The following DNTTIP1 variants were observed in gnomAD, a reference collection of about 807,000 sequenced individuals.
DNTTIP1 encodes deoxynucleotidyltransferase terminal interacting protein 1, also known as deoxynucleotidyltransferase terminal-interacting protein 1.
A neutral mutation model predicts 52.9 loss-of-function variants in DNTTIP1; 22 were observed. That is an observed-to-expected ratio of 0.42 (90% confidence interval 0.30 to 0.59). DNTTIP1 has a LOEUF of 0.59. DNTTIP1 is among the 20% of genes least tolerant of loss of function. The pLI is 0.22. For missense variants in DNTTIP1, 286 were observed against 435.5 expected (o/e 0.66, Z 3.06); for synonymous variants, 136 against 155.1 (o/e 0.88, Z 0.92).
At chr20:45,803,966 A>G (rs1006267478) in intron 8 of DNTTIP1, among the ~76,000 whole-genome samples, 1 of 152,154 alleles carries the variant, frequency 6.6e-6, no homozygotes, top group South Asian at 2.1e-4. Context: ...GCAGTGACTT[A>G]TATAAATGGT....
intron 2 of DNTTIP1, 86 bp from the exon 3 acceptor site, chr20:45,793,834 GA>G (rs1981135143): frequency 1.3e-6 from 1 of 758,824 alleles, no homozygotes; most frequent in Non-Finnish European, 2.1e-6. Flanking sequence ...TATTGTTAAG[GA>G]ATTCTATGTC....
At position 45,800,971 on chromosome 20, in the gene DNTTIP1, G is replaced by A. The variant is rs1601028650; in HGVS notation, c.373-103G>A. 13 of 969,494 alleles carry A rather than the reference G, an allele frequency of 1.3e-5. No individual in the cohort carries two copies. The East Asian group carries it at 2.9e-4, about 21-fold the overall frequency. 60.1% of individuals were successfully genotyped at this position (969,494 alleles called of 1,614,324 possible). A position where few individuals can be genotyped will look rare whatever the true frequency, so the allele number is the denominator to read the frequency against. On this transcript the variant is annotated intron_variant, in intron 4 of 12. Transcript: ENST00000372622. ...ATGGTGCTGCTGCACTCCAGCCTGA[G>A]CAACAGAGCAAGACTCTGTCTCCAA...
At chr20:45,796,403 A>G in intron 4 of DNTTIP1, 1 of 424,810 alleles carries the variant, frequency 2.4e-6, no homozygotes, top group Non-Finnish European at 4.8e-6. Context: ...AAAAAAAAGA[A>G]ATGGCTTAAG....
At chr20:45,792,837 A>C (rs1601023073) in intron 2 of DNTTIP1, 90 bp downstream of exon 2, 4 of 1,185,336 alleles carry the variant, frequency 3.4e-6, no homozygotes. Flanking sequence ...ATGGAGATCT[A>C]CAGCCGGTAG....
At chr20:45,800,998 A>C (rs1981448430) in intron 4 of DNTTIP1, 76 bp from the exon 5 acceptor site, 1 of 1,325,926 alleles carries the variant, frequency 7.5e-7, no homozygotes, top group Non-Finnish European at 1.1e-6. Flanking sequence ...TGTCTCCAAA[A>C]AAAAAAAAGG....
Position 45,805,213 on chromosome 20 carries a change from A to G in DNTTIP1, c.662+9A>G, listed in dbSNP as rs1250108122. Reference sequence around the variant, plus strand: ...GGATCTCGAGCCAACAAGTAAGTTTAAGAGCTTTGGCACTGATTGAGGAAA... The same window carrying G: ...GGATCTCGAGCCAACAAGTAAGTTTGAGAGCTTTGGCACTGATTGAGGAAA... On this transcript the variant is annotated intron_variant, in intron 9 of 12. Transcript: ENST00000372622. 1 of 1,614,194 alleles carries G rather than the reference A, an allele frequency of 6.2e-7. No individual in the cohort carries two copies. Among genetic ancestry groups the G allele is most frequent in the East Asian group, 2.2e-5 (1 of 44,884 alleles).
Position 45,809,411 on chromosome 20 carries a change from C to T in DNTTIP1, c.795+226C>T, listed in dbSNP as rs1179978225. Among the ~76,000 whole-genome samples the T allele has an allele frequency of 6.6e-6, 1 of 152,238 alleles. No individual in the cohort carries two copies. The highest frequency in any genetic ancestry group is 2.4e-5 in the African/African-American group (1 of 41,472). ...CTTCCGCCCCCTCACACTTTTACCT[C>T]ATGCCTCCAAGATCACATATTTGGA... On this transcript the variant is annotated intron_variant, in intron 11 of 12. Transcript: ENST00000372622. The surrounding 1 kb of genome is among the most constrained non-coding windows in gnomAD (Gnocchi z 4.2).
chr20:45,795,225 C>T (rs907636450), intron 3 of DNTTIP1, 120 bp from the exon 4 acceptor site: 73 of 573,664 alleles, frequency 1.3e-4, no homozygotes, highest in African/African-American at 8.7e-4. Flanking sequence ...CAAAGCCCTG[C>T]TCATAATCAC....
intron 3 of DNTTIP1, among the ~76,000 whole-genome samples, chr20:45,794,998 C>T (rs988614731): frequency 6.6e-6 from 1 of 151,900 alleles, no homozygotes; most frequent in African/African-American, 2.4e-5. Flanking sequence ...CGGGGTTTCA[C>T]CGTGTTAGCC....
chr20:45,795,040 C>T (rs971682093), intron 3 of DNTTIP1, among the ~76,000 whole-genome samples: 6 of 151,874 alleles, frequency 4.0e-5, no homozygotes, highest in African/African-American at 9.7e-5. Flanking sequence ...CCTCGTGATC[C>T]GCCCACCTCG....
intron 1 of DNTTIP1, 145 bp from the exon 2 acceptor site, chr20:45,792,531 CA>C: frequency 1.6e-6 from 1 of 624,844 alleles, no homozygotes; most frequent in Non-Finnish European, 2.7e-6. Context: ...GGAGGCCTTA[CA>C]ACTATCGTCC....
chr20:45,806,145 C>T (rs1195219354), intron 10 of DNTTIP1, among the ~76,000 whole-genome samples: 4 of 148,782 alleles, frequency 2.7e-5, no homozygotes, highest in East Asian at 2.0e-4. Context: ...CACCTGAAGT[C>T]GGGAGTTCGA....
At chr20:45,808,016 T>A (rs371157578) in intron 10 of DNTTIP1, among the ~76,000 whole-genome samples, 10 of 151,944 alleles carry the variant, frequency 6.6e-5, no homozygotes, top group African/African-American at 2.4e-4. Context: ...TAAATTCTGG[T>A]TTCTAGGTGC....
chr20:45,797,410 C>T (rs1466363679), intron 4 of DNTTIP1, among the ~76,000 whole-genome samples: 1 of 152,188 alleles, frequency 6.6e-6, no homozygotes, highest in African/African-American at 2.4e-5. Flanking sequence ...CCATTCAGGA[C>T]ATAGGCATGG....
intron 10 of DNTTIP1, among the ~76,000 whole-genome samples, chr20:45,808,551 A>C (rs1482050947): frequency 1.3e-5 from 2 of 152,086 alleles, no homozygotes; most frequent in Admixed American, 6.6e-5. Flanking sequence ...GAGGCAGGAG[A>C]ATCGCTTGAA....
intron 3 of DNTTIP1, among the ~76,000 whole-genome samples, chr20:45,794,415 G>A (rs970460819): frequency 1.3e-5 from 2 of 151,990 alleles, no homozygotes; most frequent in Non-Finnish European, 2.9e-5. Context: ...CCAAAGTGCT[G>A]GGATTATAGG....
rs1981741504 is a variant in DNTTIP1, at chr20:45,809,061, T to G, written c.724-53T>G. 9.8e-6 allele frequency: 15 copies of G among 1,524,762 alleles called. No homozygotes were observed. The highest frequency in any genetic ancestry group is 1.4e-5 in the Non-Finnish European group (15 of 1,099,412). The allele number at this position is 1,524,762 out of a possible 1,614,324, so 94.5% of individuals were successfully genotyped here. A position where few individuals can be genotyped will look rare whatever the true frequency, so the allele number is the denominator to read the frequency against. ...GCCAAGAGTATGCTCTGGGACCAAATGAGAAAAGCCCCTTACCCGAGGCTA... is the reference window on the plus strand; with the variant it reads ...GCCAAGAGTATGCTCTGGGACCAAAGGAGAAAAGCCCCTTACCCGAGGCTA... On this transcript the variant is annotated intron_variant, in intron 10 of 12. Coordinates refer to ENST00000372622, the MANE Select transcript of DNTTIP1 (RefSeq NM_052951.3). The surrounding 1 kb of genome is among the most constrained non-coding windows in gnomAD (Gnocchi z 4.2).
At chr20:45,800,679 T>A (rs1261513195) in intron 4 of DNTTIP1, among the ~76,000 whole-genome samples, 2 of 14,688 alleles carry the variant, frequency 1.4e-4, no homozygotes, top group Admixed American at 1.2e-3. Flanking sequence ...CATCTCAATT[T>A]AAAAAAAAAA....
intron 7 of DNTTIP1, chr20:45,802,946 G>T: frequency 6.0e-6 from 1 of 165,482 alleles, no homozygotes; most frequent in Middle Eastern, 2.9e-3. Context: ...GGGGCGTGGG[G>T]TTAGTTTGGA....
Sources: gnomAD v4.1 joint callset for allele counts (sites outside exome capture counted in the v4.1 genomes callset) on GRCh38, gnomAD v4.1.1 for gene constraint, Gnocchi (gnomAD v3.1) non-coding constraint, MANE v1.5 for transcripts, NCBI Gene and HGNC (gene_info 2026-07-23, HGNC 2026-07-21) for gene names.